The following C2orf69 variants were observed in gnomAD, a reference collection of about 807,000 sequenced individuals.
The protein encoded by C2orf69 is chromosome 2 open reading frame 69.
In C2orf69, 19 loss-of-function variants were observed where a neutral mutation model predicts 29.5. The ratio of observed to expected loss-of-function variants is 0.65; its 90% CI spans 0.45 to 0.95. The LOEUF (loss-of-function observed/expected upper bound fraction) is 0.95, where lower values mean the gene tolerates loss of function less well. Ranked by LOEUF, C2orf69 falls within the 40% of genes least tolerant of loss-of-function variation. C2orf69 has a pLI of 0.00. For synonymous variants in C2orf69, 194 were observed against 180.0 expected, an observed-to-expected ratio of 1.08 and a Z score of -0.62; for missense variants, 416 against 482.1, an observed-to-expected ratio of 0.86 and a Z score of 1.28.
intron 1 of C2orf69, among the ~76,000 whole-genome samples, chr2:199,922,442 T>G (rs139876374): frequency 9.7e-4 from 148 of 152,298 alleles, no homozygotes; most frequent in African/African-American, 3.2e-3. Context: ...ACTGGATTTT[T>G]TAGTCCTTAT....
chr2:199,913,028 G>A (rs1032205056), intron 1 of C2orf69, among the ~76,000 whole-genome samples: 2 of 148,826 alleles, frequency 1.3e-5, no homozygotes, highest in Non-Finnish European at 1.5e-5. Context: ...TGTGCTCTGA[G>A]TCAGATAATG....
In C2orf69 at chr2:199,925,368, T is replaced by A. The variant is rs1205158105; in HGVS notation, c.640T>A (p.Ser214Thr). The change falls in exon 2 of 2, where the codon TCC becomes ACC. Residue 214 changes from serine to threonine, a missense_variant. Physicochemically the swap from Ser to Thr is moderately conservative, Grantham distance 58. Coordinates refer to ENST00000319974, the MANE Select transcript of C2orf69 (RefSeq NM_153689.6). The surrounding 1 kb of genome is among the most constrained non-coding windows in gnomAD (Gnocchi z 4.9). ...AAGTTTGAATGTTTGGAATAAGGAC[T>A]CCATAGCATCTAACTGTAGATCCAG... ...KKSLNVWNKD[S>T]IASNCRSSPS... The A allele has an allele frequency of 6.2e-7, 1 of 1,613,686 alleles. No individual in the cohort carries two copies. The highest frequency in any genetic ancestry group is 1.3e-5 in the African/African-American group (1 of 75,046).
At chr2:199,919,598 C>T (rs1304157855) in intron 1 of C2orf69, among the ~76,000 whole-genome samples, 1 of 152,122 alleles carries the variant, frequency 6.6e-6, no homozygotes, top group Non-Finnish European at 1.5e-5. Context: ...CTGGTGAGGG[C>T]CTTCTTGCCC....
At position 199,925,802 on chromosome 2, in the gene C2orf69, T is replaced by G; in HGVS notation, c.1074T>G (p.Leu358=). The G allele has an allele frequency of 6.2e-7, 1 of 1,613,848 alleles. No homozygotes were observed. The highest frequency in any genetic ancestry group is 8.5e-7 in the Non-Finnish European group (1 of 1,179,812). The change falls in exon 2 of 2, where the codon CTT becomes CTG. Residue 358 remains leucine, a synonymous_variant. Transcript: ENST00000319974. This position sits in a 1 kb window ranked among gnomAD's most constrained non-coding sequence, Gnocchi z 4.9. ...HKKFVQILGD[L]GMQVTSQIHF... ...AATTTGTTCAGATACTTGGGGATCTTGGTATGCAGGTGACTAGCCAAATTC... is the reference window on the plus strand; with the variant it reads ...AATTTGTTCAGATACTTGGGGATCTGGGTATGCAGGTGACTAGCCAAATTC...
intron 1 of C2orf69, among the ~76,000 whole-genome samples, chr2:199,921,271 G>T (rs2077314977): frequency 6.6e-6 from 1 of 151,940 alleles, no homozygotes; most frequent in Non-Finnish European, 1.5e-5. Context: ...CTCCCAAAGT[G>T]CTGGGATTAC....
At chr2:199,912,250 G>C (rs893440636) in intron 1 of C2orf69, among the ~76,000 whole-genome samples, 4 of 152,202 alleles carry the variant, frequency 2.6e-5, no homozygotes, top group Admixed American at 6.5e-5. Context: ...AAAGAGTGGG[G>C]ATGGGTGGAA....
intron 1 of C2orf69, among the ~76,000 whole-genome samples, chr2:199,917,898 T>A (rs2077299453): frequency 6.6e-6 from 1 of 151,940 alleles, no homozygotes; most frequent in Admixed American, 6.6e-5. Context: ...AGCAAAGAGG[T>A]TTAATTGGCT....
At position 199,926,958 on chromosome 2, in the gene C2orf69, C is replaced by G. The variant is rs916255742; in HGVS notation, c.*1072C>G. 5.9e-5 allele frequency: 9 copies of G among 152,510 alleles called. No homozygotes were observed. The highest frequency in any genetic ancestry group is 1.3e-4 in the Non-Finnish European group (9 of 68,020). 9.4% of individuals were successfully genotyped at this position (152,510 alleles called of 1,614,324 possible). On this transcript the variant is annotated 3_prime_UTR_variant, in exon 2 of 2. Coordinates refer to ENST00000319974, the MANE Select transcript of C2orf69 (RefSeq NM_153689.6). Reference sequence around the variant, plus strand: ...TCCATAGATCTAAGTCAATGTTTCTCCAGAAGCATGATTTTGTCTGCCAAA... The same window carrying G: ...TCCATAGATCTAAGTCAATGTTTCTGCAGAAGCATGATTTTGTCTGCCAAA...
At position 199,919,758 on chromosome 2, in the gene C2orf69, C is replaced by T. The variant is rs571238867; in HGVS notation, c.334-5304C>T. Among the ~76,000 whole-genome samples, 22 of 152,300 alleles carry T rather than the reference C, an allele frequency of 1.4e-4. No individual in the cohort carries two copies. The South Asian group carries it at 4.6e-3, about 32-fold the overall frequency. ...ACCTAATCACCTCTTAAAGATCCCA[C>T]CTCTAATCATAGTTGCTTTAGGGAT... On this transcript the variant is annotated intron_variant, in intron 1 of 1. Coordinates refer to ENST00000319974, the MANE Select transcript of C2orf69 (RefSeq NM_153689.6).
At position 199,913,477 on chromosome 2, in the gene C2orf69, A is replaced by AC. The variant is rs1387010160; in HGVS notation, c.333+1706_333+1707insC. Among the ~76,000 whole-genome samples, 28 of 24,668 alleles carry AC rather than the reference A, an allele frequency of 1.1e-3. 1 individual carries two copies. Among genetic ancestry groups the AC allele is most frequent in the East Asian group, 8.7e-3 (10 of 1,156 alleles). The allele number at this position is 24,668 out of a possible 152,430, so 16.2% of individuals were successfully genotyped here. A position where few individuals can be genotyped will look rare whatever the true frequency, so the allele number is the denominator to read the frequency against. ...TTCTATTATATAAAATATATATTAT[A>AC]TAAAATATATATTATATTATATAAA... On this transcript the variant is annotated intron_variant, in intron 1 of 1. Coordinates refer to ENST00000319974, the MANE Select transcript of C2orf69 (RefSeq NM_153689.6).
intron 1 of C2orf69, among the ~76,000 whole-genome samples, chr2:199,916,285 C>T (rs2077292532): frequency 1.3e-5 from 2 of 152,196 alleles, no homozygotes; most frequent in South Asian, 4.1e-4. Context: ...CCCCATGATT[C>T]AGTTACCTCC....
intron 1 of C2orf69, 91 bp downstream of exon 1, chr2:199,911,862 C>T (rs1314920631): frequency 1.6e-5 from 24 of 1,507,348 alleles, no homozygotes; most frequent in Non-Finnish European, 2.0e-5. Flanking sequence ...TGCCTGGTTC[C>T]TTTCCTTGCC....
rs1292311128 is a variant in C2orf69 at position 199,925,762 on chromosome 2, G to A, written c.1034G>A (p.Gly345Glu). The change falls in exon 2 of 2, where the codon GGA becomes GAA. Residue 345 changes from glycine to glutamate, a missense_variant. Gly to Glu is a moderately conservative substitution (Grantham distance 98, BLOSUM62 -2). This residue lies in a region of C2orf69 where 225 missense variants were observed against 307.3 expected (regional missense o/e 0.73). Transcript: ENST00000319974. This position sits in a 1 kb window ranked among gnomAD's most constrained non-coding sequence, Gnocchi z 4.9. Reference sequence around the variant, plus strand: ...CGTGATCCAATGAGATCTTGGATTGGAAAGGAGCACAAGAAATTTGTTCAG... The same window carrying A: ...CGTGATCCAATGAGATCTTGGATTGAAAAGGAGCACAAGAAATTTGTTCAG... ...QVRDPMRSWI[G>E]KEHKKFVQIL... The A allele has an allele frequency of 3.7e-6, 6 of 1,613,916 alleles. No individual in the cohort carries two copies. Among genetic ancestry groups the A allele is most frequent in the Non-Finnish European group, 5.1e-6 (6 of 1,179,840 alleles).
rs1298357688 is a variant in C2orf69, at chr2:199,928,007, A to G, written c.*2121A>G. 6.6e-6 allele frequency: 1 copy of G among 152,530 alleles called. No homozygotes were observed. The highest frequency in any genetic ancestry group is 2.4e-5 in the African/African-American group (1 of 41,456). The allele number at this position is 152,530 out of a possible 1,614,324, so 9.4% of individuals were successfully genotyped here. A position where few individuals can be genotyped will look rare whatever the true frequency, so the allele number is the denominator to read the frequency against. The stretch of plus-strand genomic sequence containing the variant: ...AAGTCACCAGGTACACAAAACTGCC[A>G]TCATAGCAAAATGAGACAGTGTTGA... On this transcript the variant is annotated 3_prime_UTR_variant, in exon 2 of 2. Transcript: ENST00000319974.
chr2:199,919,946 C>CAACGG (rs1443286491), intron 1 of C2orf69, among the ~76,000 whole-genome samples: 1 of 152,158 alleles, frequency 6.6e-6, no homozygotes, highest in Non-Finnish European at 1.5e-5. Context: ...ACTTCAATAG[C>CAACGG]AGTTTGGAGT....
Position 199,911,485 on chromosome 2 carries a change from T to C in C2orf69, c.47T>C (p.Leu16Pro). ...CGGTCGCCGCCGTTGCTGCTCCTGC[T>C]GCCGCAGCTCGGAATCGGAAACGCC... The part of the protein sequence containing the change: ...LLRSPPLLLL[L>P]PQLGIGNASS... Residue 16 changes from leucine (L) to proline (P), a missense_variant, in exon 1 of 2, where the codon CTG becomes CCG. This residue lies in a region of C2orf69 where 175 missense variants were observed against 139.9 expected (regional missense o/e 1.25). Transcript: ENST00000319974. The C allele has an allele frequency of 6.5e-7, 1 of 1,547,050 alleles. No homozygotes were observed. The highest frequency in any genetic ancestry group is 1.4e-5 in the African/African-American group (1 of 72,844).
At position 199,925,885 on chromosome 2, in the gene C2orf69, G is replaced by T; in HGVS notation, c.1157G>T (p.Ter386LeuextTer24). The T allele has an allele frequency of 6.3e-7, 1 of 1,590,234 alleles. No homozygotes were observed. Among genetic ancestry groups the T allele is most frequent in the South Asian group, 1.1e-5 (1 of 90,096 alleles). The change falls in exon 2 of 2, where the codon TGA becomes TTA. Residue 386 changes from the stop codon to leucine, a stop_lost. Transcript: ENST00000319974. The surrounding 1 kb of genome is among the most constrained non-coding windows in gnomAD (Gnocchi z 4.9). ...ENHFRVHEVF[*>L] ...CACTTCAGGGTTCATGAAGTATTTTGAGATTACAGGTATATTAATGAACTT... is the reference window on the plus strand; with the variant it reads ...CACTTCAGGGTTCATGAAGTATTTTTAGATTACAGGTATATTAATGAACTT...
chr2:199,917,117 C>G (rs1296162663), intron 1 of C2orf69, among the ~76,000 whole-genome samples: 3 of 152,260 alleles, frequency 2.0e-5, no homozygotes, highest in African/African-American at 7.2e-5. Context: ...CTTGCACACT[C>G]TGAAGCAACA....
At chr2:199,921,411 CA>C (rs2077315639) in intron 1 of C2orf69, among the ~76,000 whole-genome samples, 1 of 151,906 alleles carries the variant, frequency 6.6e-6, no homozygotes, top group South Asian at 2.1e-4. Flanking sequence ...AGGACATGAA[CA>C]GAAAATTAAC....
Sources: allele counts gnomAD v4.1 joint callset (sites outside exome capture counted in the v4.1 genomes callset), GRCh38; gene constraint gnomAD v4.1.1; regional missense constraint gnomAD v4.1.1; non-coding constraint Gnocchi (gnomAD v3.1); transcripts MANE v1.5; gene names NCBI Gene and HGNC (gene_info 2026-07-23, HGNC 2026-07-21).